The following CNTN4 variants were observed in gnomAD, a reference collection of about 807,000 sequenced individuals.
CNTN4 encodes the protein contactin-4.
Under a neutral mutation model 122.5 loss-of-function variants are expected in CNTN4, and 77 were observed. That is an observed-to-expected ratio of 0.63 (90% CI 0.52 to 0.76). The LOEUF (loss-of-function observed/expected upper bound fraction) is 0.76, where lower values mean the gene tolerates loss of function less well. CNTN4 is among the 30% of genes least tolerant of loss of function. The pLI is 0.00. For missense variants in CNTN4, 1,256 were observed against 1,259.1 expected (o/e 1.00, Z 0.04); for synonymous variants, 512 against 447.0 (o/e 1.15, Z -1.83).
At chr3:2,564,598 C>G (rs2079080842) in intron 3 of CNTN4, among the ~76,000 whole-genome samples, 1 of 152,150 alleles carries the variant, frequency 6.6e-6, no homozygotes, top group South Asian at 2.1e-4. Context: ...GTCCCGTCTT[C>G]TATTCATGAG....
At chr3:2,142,208 G>A (rs1001337881) in intron 2 of CNTN4, among the ~76,000 whole-genome samples, 1 of 152,072 alleles carries the variant, frequency 6.6e-6, no homozygotes, top group African/African-American at 2.4e-5. Context: ...CAATATTTGT[G>A]GAAGCATCTG....
chr3:2,846,901 G>A (rs1302337775), intron 7 of CNTN4, among the ~76,000 whole-genome samples: 2 of 152,156 alleles, frequency 1.3e-5, no homozygotes, highest in South Asian at 2.1e-4. Context: ...GAAGGCTGAG[G>A]CAGGAGAATC....
intron 6 of CNTN4, among the ~76,000 whole-genome samples, chr3:2,810,357 A>G (rs1045324063): frequency 6.6e-6 from 1 of 152,234 alleles, no homozygotes; most frequent in Admixed American, 6.5e-5. Flanking sequence ...GCCAAAGTTA[A>G]GAAGCCTTCT....
At chr3:2,660,433 G>A (rs1041712464) in intron 4 of CNTN4, among the ~76,000 whole-genome samples, 10 of 152,122 alleles carry the variant, frequency 6.6e-5, no homozygotes, top group African/African-American at 1.4e-4. Flanking sequence ...TATCTAGGAC[G>A]CTTCACTTTG....
intron 3 of CNTN4, among the ~76,000 whole-genome samples, chr3:2,405,608 T>C (rs1269591394): frequency 3.4e-5 from 5 of 148,260 alleles, no homozygotes; most frequent in African/African-American, 1.0e-4. Flanking sequence ...GATAGATAGA[T>C]AGATAGATAG....
intron 13 of CNTN4, among the ~76,000 whole-genome samples, chr3:2,970,622 T>C (rs193203923): frequency 1.3e-5 from 2 of 152,068 alleles, no homozygotes; most frequent in East Asian, 3.9e-4. Flanking sequence ...AATTTTTGTA[T>C]TTTTTGCATA....
chr3:2,736,288 GA>G lies in CNTN4; in HGVS notation c.135del (p.Val46Ter). Reference sequence around the variant, plus strand: ...TAATGTTCCCTTTGGATTCTGAGGAGAAAAAAGTGAAGCTCAATTGTGAAGT... The same window carrying G: ...TAATGTTCCCTTTGGATTCTGAGGAGAAAAAGTGAAGCTCAATTGTGAAGT... ...PVMFPLDSEE[K>X]KVKLNCEVKG... On this transcript the variant is annotated frameshift_variant, in exon 5 of 25. Transcript: ENST00000418658. LOFTEE classifies it high-confidence loss of function. 4.3e-6 allele frequency: 7 copies of G among 1,613,456 alleles called. No individual in the cohort carries two copies. Among genetic ancestry groups the G allele is most frequent in the Non-Finnish European group, 5.9e-6 (7 of 1,179,682 alleles).
intron 3 of CNTN4, among the ~76,000 whole-genome samples, chr3:2,364,447 T>C (rs2045291418): frequency 6.6e-6 from 1 of 151,920 alleles, no homozygotes; most frequent in African/African-American, 2.4e-5. Flanking sequence ...GAGAAAGGGG[T>C]CCTACTGGAA....
chr3:2,537,321 G>C (rs1200406624), intron 3 of CNTN4, among the ~76,000 whole-genome samples: 1 of 152,038 alleles, frequency 6.6e-6, no homozygotes, highest in Admixed American at 6.6e-5. Context: ...GTCTGAGACA[G>C]TGTCTCCAAA....
intron 6 of CNTN4, among the ~76,000 whole-genome samples, chr3:2,815,179 A>G (rs563934533): frequency 6.6e-6 from 1 of 152,236 alleles, no homozygotes; most frequent in Non-Finnish European, 1.5e-5. Flanking sequence ...TGGCTTAGGC[A>G]AGGATTTCAT....
chr3:2,816,021 A>G (rs1316990128), intron 6 of CNTN4, among the ~76,000 whole-genome samples: 2 of 151,972 alleles, frequency 1.3e-5, no homozygotes, highest in East Asian at 1.9e-4. Context: ...GTTCTCACTG[A>G]TATGTGGGAG....
intron 13 of CNTN4, among the ~76,000 whole-genome samples, chr3:2,978,207 C>G (rs1344393974): frequency 1.3e-5 from 2 of 152,196 alleles, no homozygotes; most frequent in African/African-American, 2.4e-5. Flanking sequence ...CCACACCCAT[C>G]GTCCCCTCCC....
At chr3:2,715,873 T>TG (rs1049859561) in intron 4 of CNTN4, among the ~76,000 whole-genome samples, 19 of 152,228 alleles carry the variant, frequency 1.2e-4, no homozygotes, top group African/African-American at 3.9e-4. Flanking sequence ...ATAGGCATAC[T>TG]GGGGGTCAGG....
At chr3:2,699,770 A>T (rs759905813) in intron 4 of CNTN4, among the ~76,000 whole-genome samples, 20 of 152,174 alleles carry the variant, frequency 1.3e-4, no homozygotes, top group Middle Eastern at 3.2e-3. Flanking sequence ...ACTGAATCAT[A>T]TTTGTTGCCT....
intron 15 of CNTN4, among the ~76,000 whole-genome samples, 175 bp from the exon 16 acceptor site, chr3:3,030,680 C>T (rs1156903130): frequency 1.3e-5 from 2 of 152,204 alleles, no homozygotes; most frequent in East Asian, 1.9e-4. Context: ...CTGAAAACGT[C>T]GGTGTTCCCA....
intron 23 of CNTN4, among the ~76,000 whole-genome samples, chr3:3,048,501 TTTC>T (rs1700908947): frequency 2.1e-5 from 2 of 95,040 alleles, no homozygotes; most frequent in Admixed American, 1.2e-4. Context: ...ACTCTCTCTC[TTTC>T]TCTCTCTCTC....
At chr3:3,004,150 A>C (rs1696359419) in intron 14 of CNTN4, among the ~76,000 whole-genome samples, 1 of 143,734 alleles carries the variant, frequency 7.0e-6, no homozygotes, top group Admixed American at 7.0e-5. Flanking sequence ...TCTATTTTGC[A>C]CACTTAAAAA....
chr3:2,120,799 G>A (rs1035343347), intron 2 of CNTN4, among the ~76,000 whole-genome samples: 3 of 137,400 alleles, frequency 2.2e-5, no homozygotes, highest in African/African-American at 7.5e-5. Context: ...TTAAAACTGA[G>A]TGAAATACTG....
In CNTN4 at chr3:2,618,159, C is replaced by T. The variant is rs577843788; in HGVS notation, c.55+46601C>T. ...ATGGGGGAATGGATAATGCTTAGAA[C>T]CATCCTGGCACATAGAAAGTGATGG... On this transcript the variant is annotated intron_variant, in intron 4 of 24. Transcript: ENST00000418658. Among the ~76,000 whole-genome samples, 12 of 152,050 alleles carry T rather than the reference C, an allele frequency of 7.9e-5. No individual in the cohort carries two copies. In the South Asian group the frequency reaches 2.1e-3, roughly 26 times the overall value.
Sources: gnomAD v4.1 joint callset for allele counts (sites outside exome capture counted in the v4.1 genomes callset) on GRCh38, gnomAD v4.1.1 for gene constraint, MANE v1.5 for transcripts, NCBI Gene and HGNC (gene_info 2026-07-23, HGNC 2026-07-21) for gene names.